The following SPG7 variants were observed in gnomAD, a reference collection of about 807,000 sequenced individuals.
SPG7 encodes the protein mitochondrial inner membrane m-AAA protease component paraplegin.
In SPG7, 103 loss-of-function variants were observed where a neutral mutation model predicts 81.9. The ratio of observed to expected loss-of-function variants is 1.26; its 90% CI spans 1.07 to 1.48. The LOEUF is 1.48. Among genes scored for constraint, SPG7 ranks in the 40% most tolerant of loss-of-function variants. SPG7 has a pLI of 0.00. For synonymous variants in SPG7, 534 were observed against 444.2 expected (o/e 1.20, Z -2.54); for missense variants, 1,241 against 1,087.3 (o/e 1.14, Z -1.99).
chr16:89,546,583 C>G (rs1023859750), intron 10 of SPG7, 75 bp from the exon 11 acceptor site: 28 of 962,548 alleles, frequency 2.9e-5, no homozygotes, highest in African/African-American at 2.1e-4. Context: ...CCCCCCCCCC[C>G]ACAGACAAAC....
chr16:89,517,202 C>T (rs62070327), intron 3 of SPG7: 64,006 of 148,796 alleles, frequency 0.43, 14,539 homozygotes, highest in East Asian at 0.67. Flanking sequence ...TGTTGTGTTA[C>T]GGTTAACCAG....
rs772037583 is a variant in SPG7, at chr16:89,530,627, G to T, written c.862-56G>T. The T allele has an allele frequency of 9.3e-6, 15 of 1,612,416 alleles. No individual in the cohort carries two copies. The African/African-American group carries it at 1.9e-4, about 20-fold the overall frequency. Reference sequence around the variant, plus strand: ...GGTGCGTGGGCTGAGCGCTGGCATCGTGCTGCTGATTTCCTGACTTCGCCC... The same window carrying T: ...GGTGCGTGGGCTGAGCGCTGGCATCTTGCTGCTGATTTCCTGACTTCGCCC... On this transcript the variant is annotated intron_variant, in intron 6 of 16. Transcript: ENST00000645818.
chr16:89,518,457 C>T (rs893797399), intron 3 of SPG7: 84 of 151,900 alleles, frequency 5.5e-4, no homozygotes, highest in Admixed American at 5.1e-3. Flanking sequence ...TCACTGATAA[C>T]GCGGGTGAAC....
At chr16:89,546,092 C>CA (rs1555615927) in intron 10 of SPG7, 1 of 236,854 alleles carries the variant, frequency 4.2e-6, no homozygotes, top group Non-Finnish European at 8.4e-6. Flanking sequence ...AGAGCGTTCT[C>CA]TTTTTTTTTT....
Position 89,524,336 on chromosome 16 carries a change from G to A in SPG7, c.618+89G>A, listed in dbSNP as rs1048654039. 34 of 1,455,186 alleles carry A rather than the reference G, an allele frequency of 2.3e-5. No individual in the cohort carries two copies. In the East Asian group the frequency reaches 3.2e-4, roughly 14 times the overall value. The allele number at this position is 1,455,186 out of a possible 1,614,324, so 90.1% of individuals were successfully genotyped here. On this transcript the variant is annotated intron_variant, in intron 4 of 16. Transcript: ENST00000645818. Reference sequence around the variant, plus strand: ...TGAGGCTGTGGGCTCCTGTGAATGAGGGTGTGGGCGCTGGCTGTTGCCATC... The same window carrying A: ...TGAGGCTGTGGGCTCCTGTGAATGAAGGTGTGGGCGCTGGCTGTTGCCATC...
chr16:89,532,197 G>C (rs1229467186), intron 8 of SPG7, 131 bp downstream of exon 8: 3 of 1,083,456 alleles, frequency 2.8e-6, no homozygotes, highest in East Asian at 2.5e-5. Context: ...AGCGAGGTCT[G>C]GGTTGGCGGA....
At chr16:89,554,921 TC>T in intron 16 of SPG7, 3 of 268,064 alleles carry the variant, frequency 1.1e-5, no homozygotes, top group Admixed American at 5.0e-5. Flanking sequence ...AATTTTTTTT[TC>T]TTTTTTTTTT....
chr16:89,529,663 C>T (rs2058314694), intron 6 of SPG7, 84 bp downstream of exon 6: 3 of 1,025,284 alleles, frequency 2.9e-6, no homozygotes, highest in African/African-American at 3.2e-5. Context: ...ACGATGAATA[C>T]ACAGGGAAAA....
intron 9 of SPG7, chr16:89,541,941 C>G (rs1032340974): frequency 6.7e-6 from 1 of 149,350 alleles, no homozygotes; most frequent in African/African-American, 2.5e-5. Context: ...TGATACATAG[C>G]GGCCCGGTGG....
In SPG7 at chr16:89,530,751, C is replaced by T. The variant is rs779449885; in HGVS notation, c.930C>T (p.Asp310=). Residue 310 remains aspartate, a synonymous_variant, in exon 7 of 17, where the codon GAC becomes GAT. Coordinates refer to ENST00000645818, the MANE Select transcript of SPG7 (RefSeq NM_003119.4). ...GKMGKGVSFK[D]VAGMHEAKLE... ...TGGGGAAAGGAGTCAGCTTCAAAGA[C>T]GTGGCAGGAATGCACGAAGCCAAAC... 6.8e-6 allele frequency: 11 copies of T among 1,614,032 alleles called. No individual in the cohort carries two copies. In the African/African-American group the frequency reaches 8.0e-5, roughly 12 times the overall value.
intron 7 of SPG7, 124 bp downstream of exon 7, chr16:89,530,932 C>T (rs2058333248): frequency 7.7e-7 from 1 of 1,297,702 alleles, no homozygotes; most frequent in East Asian, 2.4e-5. Flanking sequence ...GTGACCTCTA[C>T]CATGTCCCAT....
intron 9 of SPG7, chr16:89,540,430 AC>A (rs1354242753): frequency 1.3e-5 from 2 of 152,060 alleles, no homozygotes; most frequent in Non-Finnish European, 2.9e-5. Flanking sequence ...CTAAAAAAAT[AC>A]AAAAATTAGC....
Position 89,550,557 on chromosome 16 carries a change from C to G in SPG7, c.1727C>G (p.Ser576Trp), listed in dbSNP as rs151249432. Residue 576 changes from serine to tryptophan, a missense_variant, in exon 13 of 17, where the codon TCG becomes TGG. Transcript: ENST00000645818. ...EEQKVVAFHESGHALVGWMLE... is the reference protein window; with the variant it reads ...EEQKVVAFHEWGHALVGWMLE... ...CAGAAAGTGGTTGCGTTTCATGAGTCGGGCCACGCCTTGGTGGGCTGGATG... is the reference window on the plus strand; with the variant it reads ...CAGAAAGTGGTTGCGTTTCATGAGTGGGGCCACGCCTTGGTGGGCTGGATG... 33 of 1,613,884 alleles carry G rather than the reference C, an allele frequency of 2.0e-5. No homozygotes were observed. The highest frequency in any genetic ancestry group is 2.7e-5 in the Non-Finnish European group (32 of 1,179,990).
Position 89,544,667 on chromosome 16 carries a change from T to C in SPG7, c.1344T>C (p.His448=), listed in dbSNP as rs2058540533. The C allele has an allele frequency of 1.9e-6, 3 of 1,614,106 alleles. No homozygotes were observed. The highest frequency in any genetic ancestry group is 2.5e-6 in the Non-Finnish European group (3 of 1,179,988). Residue 448 remains histidine, a synonymous_variant, in exon 10 of 17, where the codon CAT becomes CAC. Transcript: ENST00000645818. ...CCTCAGGAATGGGTACCACAGACCA[T>C]GTCATCGTCCTGGCGTCCACGAACC... is the stretch of plus-strand genomic sequence containing the variant. ...VEMDGMGTTD[H]VIVLASTNRA... is the part of the protein sequence containing the mutation.
intron 6 of SPG7, chr16:89,530,119 A>G (rs140286311): frequency 7.5e-4 from 199 of 266,238 alleles, no homozygotes; most frequent in African/African-American, 1.8e-3. Flanking sequence ...GATTATAGGC[A>G]TGAGCCACTG....
intron 11 of SPG7, chr16:89,547,705 T>G: frequency 7.6e-6 from 3 of 396,276 alleles, no homozygotes; most frequent in South Asian, 4.2e-5. Context: ...CTCCGCCTCC[T>G]GGGTTCAACC....
intron 10 of SPG7, chr16:89,545,632 G>C (rs2058554216): frequency 4.0e-6 from 1 of 247,160 alleles, no homozygotes; most frequent in Non-Finnish European, 8.0e-6. Flanking sequence ...TGTTTCTCCA[G>C]GGGATGGCAG....
At position 89,524,164 on chromosome 16, in the gene SPG7, G is replaced by T; in HGVS notation, c.535G>T (p.Glu179Ter). 1 of 1,614,106 alleles carries T rather than the reference G, an allele frequency of 6.2e-7. No homozygotes were observed. The highest frequency in any genetic ancestry group is 8.5e-7 in the Non-Finnish European group (1 of 1,180,028). ...DFVHEMLAKG[E>*]VQRVQVVPES... ...TGTCCACGAGATGCTGGCCAAGGGC[G>T]AGGTGCAGCGCGTCCAGGTGGTGCC... The change falls in exon 4 of 17, where the codon GAG (glutamate) becomes TAG (stop). Residue 179 changes from glutamate to a stop codon, truncating the protein, a stop_gained. Coordinates refer to ENST00000645818, the MANE Select transcript of SPG7 (RefSeq NM_003119.4). LOFTEE classifies it high-confidence loss of function.
At chr16:89,545,008 C>T (rs775176480) in intron 10 of SPG7, 71 of 583,798 alleles carry the variant, frequency 1.2e-4, no homozygotes, top group Non-Finnish European at 2.0e-4. Context: ...CAGACCTGCC[C>T]AATGGCTGCA....
Sources: allele counts gnomAD v4.1 joint callset, GRCh38; gene constraint gnomAD v4.1.1; transcripts MANE v1.5; gene names NCBI Gene and HGNC (gene_info 2026-07-23, HGNC 2026-07-21).